Variants in ATP8B1 observed in about 807,000 individuals in gnomAD.
ATP8B1 encodes phospholipid-transporting ATPase IC.
ATP8B1 carries 80 observed loss-of-function variants against 149.9 expected under a neutral mutation model. The observed-to-expected ratio is 0.53, with a 90% CI of 0.45 to 0.64. ATP8B1 has a LOEUF of 0.64. ATP8B1 is among the 30% of genes least tolerant of loss of function. The pLI is 0.00. For synonymous variants in ATP8B1, 536 were observed against 562.8 expected, an observed-to-expected ratio of 0.95 and a Z score of 0.67; for missense variants, 1,247 against 1,552.6, an observed-to-expected ratio of 0.80 and a Z score of 3.31.
At chr18:57,780,091 T>A (rs2080344598) in intron 1 of ATP8B1, among the ~76,000 whole-genome samples, 1 of 152,188 alleles carries the variant, frequency 6.6e-6, no homozygotes, top group African/African-American at 2.4e-5. Flanking sequence ...AGATTTATTA[T>A]GAATCTCAAA....
intron 16 of ATP8B1, among the ~76,000 whole-genome samples, chr18:57,674,311 G>C (rs1911452356): frequency 6.7e-6 from 1 of 150,066 alleles, no homozygotes; most frequent in South Asian, 2.1e-4. Context: ...AGCAGCATTT[G>C]CAAGATTCAG....
intron 20 of ATP8B1, among the ~76,000 whole-genome samples, chr18:57,663,171 T>C (rs1163392494): frequency 6.6e-6 from 1 of 152,234 alleles, no homozygotes; most frequent in Non-Finnish European, 1.5e-5. Flanking sequence ...ACCTCATATA[T>C]GTGAAATCAA....
chr18:57,673,403 A>T (rs568735381), intron 16 of ATP8B1, among the ~76,000 whole-genome samples: 111 of 152,240 alleles, frequency 7.3e-4, no homozygotes, highest in Non-Finnish European at 1.4e-3. Flanking sequence ...GGTTCTGAAC[A>T]TTGCACTGTA....
intron 1 of ATP8B1, among the ~76,000 whole-genome samples, chr18:57,746,676 A>AT (rs1196516741): frequency 6.6e-6 from 1 of 151,822 alleles, no homozygotes; most frequent in Non-Finnish European, 1.5e-5. Flanking sequence ...GGGTTTTACC[A>AT]TATTGGCCAG....
intron 2 of ATP8B1, among the ~76,000 whole-genome samples, chr18:57,714,486 C>T (rs1020317645): frequency 2.0e-5 from 3 of 149,958 alleles, no homozygotes; most frequent in Admixed American, 6.7e-5. Flanking sequence ...TGACCCAGTA[C>T]ATTCTCAGTG....
At chr18:57,673,988 T>C (rs1174003234) in intron 16 of ATP8B1, among the ~76,000 whole-genome samples, 3 of 151,688 alleles carry the variant, frequency 2.0e-5, no homozygotes, top group Non-Finnish European at 4.4e-5. Context: ...TCAGAGGTGC[T>C]CAAAAAATAA....
At chr18:57,786,161 C>T (rs1184468603) in intron 1 of ATP8B1, among the ~76,000 whole-genome samples, 1 of 152,154 alleles carries the variant, frequency 6.6e-6, no homozygotes, top group Non-Finnish European at 1.5e-5. Flanking sequence ...TGAGTCTTGC[C>T]AAGGTGCTAT....
In ATP8B1 at chr18:57,685,100, G is replaced by A. The variant is rs540940518; in HGVS notation, c.1445C>T (p.Ala482Val). ...NGQIYGDHRD[A>V]SQHNHNKIEQ... ...TATTTTGTTGTGGTTGTGTTGAGAGGCATCCCGATGGTCCCCTGAGAAACA... is the reference window on the plus strand; with the variant it reads ...TATTTTGTTGTGGTTGTGTTGAGAGACATCCCGATGGTCCCCTGAGAAACA... Residue 482 changes from alanine to valine, a missense_variant, in exon 14 of 28, where the codon GCC (alanine) becomes GTC (valine). Around this residue, in one of 3 missense-constraint regions of ATP8B1, gnomAD observed 853 missense variants for 1,035.7 expected, o/e 0.82. Transcript: ENST00000648908. 1 of 1,614,132 alleles carries A rather than the reference G, an allele frequency of 6.2e-7. No homozygotes were observed. The highest frequency in any genetic ancestry group is 1.7e-5 in the Admixed American group (1 of 60,014).
At position 57,661,250 on chromosome 18, in the gene ATP8B1, C is replaced by T. The variant is rs1199014473; in HGVS notation, c.2631G>A (p.Val877=). The T allele has an allele frequency of 6.2e-7, 1 of 1,614,092 alleles. No homozygotes were observed. Among genetic ancestry groups the T allele is most frequent in the Admixed American group, 1.7e-5 (1 of 60,016 alleles). ...RVTPKQKAMV[V]DLVKRYKKAI... is the part of the protein sequence containing the mutation. ...CTTTCTTGTACCTCTTCACCAGGTC[C>T]ACCACCATGGCCTTCTGCTTGGGGG... is the stretch of plus-strand genomic sequence containing the variant. Residue 877 remains valine (V), a synonymous_variant, in exon 22 of 28, where the codon GTG becomes GTA. Coordinates refer to ENST00000648908, the MANE Select transcript of ATP8B1 (RefSeq NM_001374385.1).
chr18:57,681,414 C>G (rs573222523), intron 15 of ATP8B1, among the ~76,000 whole-genome samples: 1 of 152,280 alleles, frequency 6.6e-6, no homozygotes, highest in South Asian at 2.1e-4. Context: ...CCCAGTCATG[C>G]CATGCTCAGA....
rs1423490490 is a variant in ATP8B1 at position 57,728,610 on chromosome 18, A to G, written c.181+3017T>C. ...AGGTATTAGAATAAGAATTTTTGTA[A>G]AAAGTCACAGGCAAAGTCATTTGAT... On this transcript the variant is annotated intron_variant, in intron 2 of 27. Transcript: ENST00000648908. Among the ~76,000 whole-genome samples, 3 of 152,092 alleles carry G rather than the reference A, an allele frequency of 2.0e-5. No individual in the cohort carries two copies. In the East Asian group the frequency reaches 5.8e-4, roughly 29 times the overall value.
intron 1 of ATP8B1, among the ~76,000 whole-genome samples, chr18:57,767,929 T>C (rs981652585): frequency 2.3e-4 from 35 of 152,194 alleles, no homozygotes; most frequent in Admixed American, 6.5e-4. Context: ...AGCAAGCAAC[T>C]GGTTTGGGTC....
chr18:57,745,574 A>G (rs899003787), intron 1 of ATP8B1, among the ~76,000 whole-genome samples: 7 of 151,998 alleles, frequency 4.6e-5, no homozygotes, highest in African/African-American at 1.7e-4. Flanking sequence ...ACCTGGCCAC[A>G]AAATTTTTGA....
intron 1 of ATP8B1, among the ~76,000 whole-genome samples, chr18:57,742,129 C>A (rs1050610278): frequency 1.3e-5 from 2 of 152,138 alleles, no homozygotes; most frequent in Non-Finnish European, 2.9e-5. Context: ...CTCGGCCTCC[C>A]AAAGTGCTGG....
At chr18:57,668,659 C>A in intron 18 of ATP8B1, 119 bp from the exon 19 acceptor site, 1 of 660,706 alleles carries the variant, frequency 1.5e-6, no homozygotes, top group South Asian at 1.9e-5. Flanking sequence ...GGTTGCTGCT[C>A]TCCTGGGGCC....
chr18:57,656,777 GGGGGAGAGAAGAGT>G (rs747797134), intron 22 of ATP8B1, among the ~76,000 whole-genome samples: 141 of 148,886 alleles, frequency 9.5e-4, no homozygotes, highest in South Asian at 4.6e-3. Context: ...GGAGAGAATG[GGGGGAGAGAAGAGT>G]GGGGAGAGAA....
chr18:57,802,695 G>A lies in ATP8B1; in HGVS notation c.-26+303C>T, dbSNP rs926170341. 4.6e-5 allele frequency among the ~76,000 whole-genome samples: 7 copies of A among 152,302 alleles called. No homozygotes were observed. The South Asian group carries it at 1.2e-3, about 27-fold the overall frequency. ...ACCCCCGGACATGTGTGTCGCTACCGATCGAAGAACCCAAACACCCCGAGA... is the reference window on the plus strand; with the variant it reads ...ACCCCCGGACATGTGTGTCGCTACCAATCGAAGAACCCAAACACCCCGAGA... On this transcript the variant is annotated intron_variant, in intron 1 of 27. Coordinates refer to ENST00000648908, the MANE Select transcript of ATP8B1 (RefSeq NM_001374385.1). The surrounding 1 kb of genome is among the most constrained non-coding windows in gnomAD (Gnocchi z 4.9).
At chr18:57,711,965 T>C (rs779428133) in intron 2 of ATP8B1, among the ~76,000 whole-genome samples, 1 of 151,894 alleles carries the variant, frequency 6.6e-6, no homozygotes, top group Non-Finnish European at 1.5e-5. Flanking sequence ...TCATTTTCAT[T>C]CTGGACCCTT....
At chr18:57,771,566 C>T (rs2080263542) in intron 1 of ATP8B1, among the ~76,000 whole-genome samples, 2 of 152,066 alleles carry the variant, frequency 1.3e-5, no homozygotes, top group South Asian at 4.2e-4. Context: ...CTTCAAAAGC[C>T]AAAGGCAGAG....
Sources: gnomAD v4.1 joint callset for allele counts (sites outside exome capture counted in the v4.1 genomes callset) on GRCh38, gnomAD v4.1.1 for gene constraint, gnomAD v4.1.1 regional missense constraint, Gnocchi (gnomAD v3.1) non-coding constraint, MANE v1.5 for transcripts, NCBI Gene and HGNC (gene_info 2026-07-23, HGNC 2026-07-21) for gene names.